Variants in SLC25A21 observed in about 807,000 individuals in gnomAD.
SLC25A21 encodes mitochondrial 2-oxodicarboxylate carrier.
SLC25A21 carries 47 observed loss-of-function variants against 43.8 expected under a neutral mutation model. The observed-to-expected ratio is 1.07, with a 90% CI of 0.85 to 1.37. SLC25A21 has a LOEUF of 1.37. SLC25A21 is among the 40% of genes most tolerant of loss of function. The probability of loss-of-function intolerance (pLI) is 0.00; values close to 1 mark genes in which losing one functional copy is unlikely to be tolerated. For synonymous variants in SLC25A21, 131 were observed against 121.3 expected (o/e 1.08, Z -0.52); for missense variants, 352 against 350.2 (o/e 1.00, Z -0.04).
chr14:36,975,999 C>T (rs1959862558), intron 1 of SLC25A21, among the ~76,000 whole-genome samples: 1 of 152,222 alleles, frequency 6.6e-6, no homozygotes, highest in African/African-American at 2.4e-5. Flanking sequence ...AAACCAACAC[C>T]TCAGACATGG....
chr14:36,962,554 C>T (rs539925358), intron 1 of SLC25A21, among the ~76,000 whole-genome samples: 5 of 152,110 alleles, frequency 3.3e-5, no homozygotes, highest in African/African-American at 1.2e-4. Flanking sequence ...TTTATTTTTC[C>T]AATATTTCAC....
intron 1 of SLC25A21, among the ~76,000 whole-genome samples, chr14:37,114,465 T>C (rs1963071737): frequency 6.6e-6 from 1 of 152,128 alleles, no homozygotes; most frequent in African/African-American, 2.4e-5. Flanking sequence ...GCAAGAAAAA[T>C]CCCACTTTAC....
At chr14:36,916,577 A>T (rs1360804301) in intron 1 of SLC25A21, among the ~76,000 whole-genome samples, 1 of 152,214 alleles carries the variant, frequency 6.6e-6, no homozygotes. Flanking sequence ...CTATCTAATT[A>T]TGTGTCATAA....
At chr14:37,071,656 T>C (rs1436416794) in intron 1 of SLC25A21, among the ~76,000 whole-genome samples, 1 of 152,352 alleles carries the variant, frequency 6.6e-6, no homozygotes, top group Non-Finnish European at 1.5e-5. Flanking sequence ...TCAGTTATAG[T>C]CTAGATCCAG....
chr14:37,135,727 T>C (rs913893606), intron 1 of SLC25A21, among the ~76,000 whole-genome samples: 1 of 152,136 alleles, frequency 6.6e-6, no homozygotes, highest in East Asian at 1.9e-4. Flanking sequence ...ATGGGAAAAA[T>C]AGTAGAGTGC....
At chr14:37,017,173 T>C (rs562326951) in intron 1 of SLC25A21, among the ~76,000 whole-genome samples, 2 of 152,186 alleles carry the variant, frequency 1.3e-5, no homozygotes, top group East Asian at 3.9e-4. Context: ...TATCTTAGCT[T>C]TTGGCATGTC....
chr14:36,921,147 T>G (rs1439130335), intron 1 of SLC25A21, among the ~76,000 whole-genome samples: 2 of 152,130 alleles, frequency 1.3e-5, no homozygotes, highest in African/African-American at 4.8e-5. Context: ...TGGTTTCTTC[T>G]CCTAACATAA....
intron 1 of SLC25A21, among the ~76,000 whole-genome samples, chr14:37,043,668 T>C (rs1028430287): frequency 3.9e-5 from 6 of 152,188 alleles, no homozygotes; most frequent in Admixed American, 3.9e-4. Flanking sequence ...AAGTTCTCTG[T>C]ACCTACAAAG....
chr14:37,040,331 A>G (rs1359954974), intron 1 of SLC25A21, among the ~76,000 whole-genome samples: 1 of 54,946 alleles, frequency 1.8e-5, no homozygotes, highest in East Asian at 4.8e-4. Flanking sequence ...GAAGAGGGGA[A>G]GGAAGGAAGG....
chr14:36,840,522 T>C (rs1889353765), intron 2 of SLC25A21, among the ~76,000 whole-genome samples: 1 of 152,188 alleles, frequency 6.6e-6, no homozygotes, highest in Non-Finnish European at 1.5e-5. Context: ...AACAAATTCC[T>C]TACTAGTCTC....
intron 3 of SLC25A21, among the ~76,000 whole-genome samples, chr14:36,752,474 T>C (rs1885746419): frequency 6.6e-6 from 1 of 152,190 alleles, no homozygotes; most frequent in Non-Finnish European, 1.5e-5. Context: ...TTATTCACAA[T>C]AGCCAAAAGG....
At chr14:36,998,657 TA>T (rs971906483) in intron 1 of SLC25A21, among the ~76,000 whole-genome samples, 1 of 151,378 alleles carries the variant, frequency 6.6e-6, no homozygotes, top group Non-Finnish European at 1.5e-5. Flanking sequence ...TCACTTCTGA[TA>T]AAGGACTATT....
intron 1 of SLC25A21, among the ~76,000 whole-genome samples, chr14:37,084,125 G>T (rs1962439665): frequency 6.6e-6 from 1 of 152,074 alleles, no homozygotes. Context: ...TAATCCTGTG[G>T]TGGTCCCAGC....
At chr14:36,753,960 A>AGAGAGAGAGAGAGAG (rs1491582315) in intron 3 of SLC25A21, among the ~76,000 whole-genome samples, 6 of 141,660 alleles carry the variant, frequency 4.2e-5, no homozygotes, top group Non-Finnish European at 7.8e-5. Flanking sequence ...AGAGAGAGAG[A>AGAGAGAGAGAGAGAG]AAGAGAGAGA....
At chr14:37,098,514 T>C (rs1054749680) in intron 1 of SLC25A21, 6 of 152,198 alleles carry the variant, frequency 3.9e-5, no homozygotes, top group Non-Finnish European at 5.9e-5. Context: ...GTCTACAGAA[T>C]AAGAAGTTAA....
At position 37,085,834 on chromosome 14, in the gene SLC25A21, G is replaced by A. The variant is rs185000687; in HGVS notation, c.70+86447C>T. On this transcript the variant is annotated intron_variant, in intron 1 of 9. Transcript: ENST00000331299. ...TACTTCTGAAAACTTGGCCGGCCGC[G>A]GTGGCTTACGCCTGTAATCCCAGCA... Among the ~76,000 whole-genome samples, 1,080 of 152,256 alleles carry A rather than the reference G, an allele frequency of 7.1e-3. 13 individuals are homozygous for A. The highest frequency in any genetic ancestry group is 0.025 in the African/African-American group (1,027 of 41,558).
intron 1 of SLC25A21, among the ~76,000 whole-genome samples, chr14:37,060,857 G>A (rs979718389): frequency 4.6e-5 from 7 of 152,122 alleles, no homozygotes; most frequent in African/African-American, 1.2e-4. Flanking sequence ...GGGAGAGCCC[G>A]GAAGCCAGTG....
chr14:36,881,073 T>G (rs1890705893), intron 1 of SLC25A21, among the ~76,000 whole-genome samples: 1 of 152,118 alleles, frequency 6.6e-6, no homozygotes, highest in South Asian at 2.1e-4. Flanking sequence ...GCCTAGTAAT[T>G]TAGTGTTGCT....
intron 1 of SLC25A21, among the ~76,000 whole-genome samples, chr14:37,112,860 T>G (rs1963043365): frequency 6.6e-6 from 1 of 152,178 alleles, no homozygotes; most frequent in Non-Finnish European, 1.5e-5. Flanking sequence ...CCTCTTTCTT[T>G]TCTGAGTCAC....
Sources: gnomAD v4.1 joint callset for allele counts (sites outside exome capture counted in the v4.1 genomes callset) on GRCh38, gnomAD v4.1.1 for gene constraint, MANE v1.5 for transcripts, NCBI Gene and HGNC (gene_info 2026-07-23, HGNC 2026-07-21) for gene names.